SEC23A: variants seen among roughly 807,000 people sequenced by gnomAD.
SEC23A encodes the protein protein transport protein Sec23A.
A neutral mutation model predicts 103.7 loss-of-function variants in SEC23A; 56 were observed. The observed-to-expected ratio is 0.54, with a 90% CI of 0.44 to 0.67. The LOEUF (loss-of-function observed/expected upper bound fraction) is 0.67. SEC23A is among the 30% of genes least tolerant of loss of function. The pLI, the probability that SEC23A is intolerant of heterozygous loss-of-function variation, is 0.00. For synonymous variants in SEC23A, 281 were observed against 293.0 expected, an observed-to-expected ratio of 0.96 and a Z score of 0.42; for missense variants, 784 against 936.4, an observed-to-expected ratio of 0.84 and a Z score of 2.12.
At chr14:39,059,296 A>AAAAAAC (rs1886379795) in intron 13 of SEC23A, among the ~76,000 whole-genome samples, 1 of 116,174 alleles carries the variant, frequency 8.6e-6, no homozygotes, top group African/African-American at 3.3e-5. Context: ...AAAAAAAAAA[A>AAAAAAC]AAAAAAAAAA....
intron 13 of SEC23A, among the ~76,000 whole-genome samples, chr14:39,061,460 G>A (rs1228874042): frequency 6.6e-6 from 1 of 151,518 alleles, no homozygotes; most frequent in Non-Finnish European, 1.5e-5. Flanking sequence ...ATATATAATG[G>A]ATTATATATA....
chr14:39,073,606 T>TA (rs1886913112), intron 9 of SEC23A, among the ~76,000 whole-genome samples: 1 of 136,280 alleles, frequency 7.3e-6, no homozygotes, highest in Non-Finnish European at 1.6e-5. Flanking sequence ...GATTCCTCTT[T>TA]TTTTTTTTTT....
At position 39,091,567 on chromosome 14, in the gene SEC23A, T is replaced by C; in HGVS notation, c.513A>G (p.Arg171=). The C allele has an allele frequency of 6.2e-7, 1 of 1,613,988 alleles. No homozygotes were observed. Residue 171 remains arginine (R), a synonymous_variant, in exon 5 of 20, where the codon AGA becomes AGG. Transcript: ENST00000307712. Reference sequence around the variant, plus strand: ...ATCCAAGTTCATGAACCTGAACCATTCTCCCAAAAGTAATAAGTCCAACCA... The same window carrying C: ...ATCCAAGTTCATGAACCTGAACCATCCTCCCAAAAGTAATAAGTCCAACCA... ...TALVGLITFG[R]MVQVHELGCE... is the part of the protein sequence containing the mutation.
At chr14:39,065,217 C>A (rs557911696) in intron 10 of SEC23A, among the ~76,000 whole-genome samples, 2 of 152,126 alleles carry the variant, frequency 1.3e-5, no homozygotes, top group African/African-American at 2.4e-5. Flanking sequence ...TTAGCACATA[C>A]GAGGTCTCCA....
rs920511427 is a variant in SEC23A, at chr14:39,040,885, G to C, written c.1989C>G (p.Thr663=). The C allele has an allele frequency of 1.9e-6, 3 of 1,612,288 alleles. No homozygotes were observed. The highest frequency in any genetic ancestry group is 3.3e-5 in the Admixed American group (2 of 59,824). ...ATCCTGACTTCCGCCACTGTGCTAT[G>C]GTCTAATTTTAAAACAATTAAAGAA... ...FFQILIYHGE[T]IAQWRKSGYQ... The change falls in exon 18 of 20, where the codon ACC becomes ACG. Residue 663 remains threonine, a splice_region_variant and synonymous_variant. Transcript: ENST00000307712.
At chr14:39,099,314 A>G (rs2139305215) in intron 1 of SEC23A, among the ~76,000 whole-genome samples, 1 of 152,080 alleles carries the variant, frequency 6.6e-6, no homozygotes, top group East Asian at 1.9e-4. Context: ...GCGTGCCACC[A>G]TACCCAGCTA....
At chr14:39,043,624 G>A (rs1885725925) in intron 16 of SEC23A, among the ~76,000 whole-genome samples, 1 of 152,178 alleles carries the variant, frequency 6.6e-6, no homozygotes, top group African/African-American at 2.4e-5. Flanking sequence ...TGAGAGGGAA[G>A]ACAGGGAAAG....
chr14:39,041,212 A>T (rs1008528453), intron 17 of SEC23A: 6 of 206,408 alleles, frequency 2.9e-5, no homozygotes, highest in Non-Finnish European at 5.9e-5. Context: ...GAATCAATCC[A>T]TAGGTAAGTA....
At chr14:39,095,769 GTT>G (rs1333781388) in intron 2 of SEC23A, 127 bp downstream of exon 2, 2 of 735,480 alleles carry the variant, frequency 2.7e-6, no homozygotes, top group African/African-American at 1.8e-5. Flanking sequence ...TCTCTGGATT[GTT>G]TTGACTGTCC....
At chr14:39,040,608 C>A in intron 18 of SEC23A, 124 bp downstream of exon 18, 1 of 1,230,658 alleles carries the variant, frequency 8.1e-7, no homozygotes, top group East Asian at 2.3e-5. Context: ...GATACCTTCC[C>A]CACCTATCTC....
At chr14:39,101,332 T>C (rs1294004297) in intron 1 of SEC23A, among the ~76,000 whole-genome samples, 4 of 151,994 alleles carry the variant, frequency 2.6e-5, no homozygotes, top group African/African-American at 4.8e-5. Context: ...AAAGTAAGAC[T>C]TCCCTGGCCG....
intron 7 of SEC23A, among the ~76,000 whole-genome samples, chr14:39,085,425 T>C (rs55902358): frequency 0.28 from 41,917 of 152,080 alleles, 6,729 homozygotes; most frequent in Non-Finnish European, 0.35. Flanking sequence ...ATCAGAGAAG[T>C]ATAGGTGACA....
chr14:39,076,173 T>C (rs994466743), intron 7 of SEC23A, 80 bp from the exon 8 acceptor site: 8 of 1,036,246 alleles, frequency 7.7e-6, no homozygotes, highest in African/African-American at 4.8e-5. Context: ...ATATTCCTTC[T>C]AAATAAGAGA....
At chr14:39,069,021 T>C (rs1566497572) in intron 9 of SEC23A, among the ~76,000 whole-genome samples, 1 of 152,204 alleles carries the variant, frequency 6.6e-6, no homozygotes, top group Non-Finnish European at 1.5e-5. Context: ...TCAGATTTTC[T>C]ACAAACATGT....
chr14:39,085,226 G>A (rs1887391057), intron 7 of SEC23A, among the ~76,000 whole-genome samples: 1 of 152,174 alleles, frequency 6.6e-6, no homozygotes, highest in South Asian at 2.1e-4. Flanking sequence ...TGGTGCCCCA[G>A]AGAAGCCACA....
rs750356651 is a variant in SEC23A at position 39,061,883 on chromosome 14, T to C, written c.1399-12A>G. 3.1e-6 allele frequency: 5 copies of C among 1,587,478 alleles called. No individual in the cohort carries two copies. Among genetic ancestry groups the C allele is most frequent in the South Asian group, 1.1e-5 (1 of 90,576 alleles). ...ATTGGAGCATTATGCTGTATAAATA[T>C]AATGGAGTAAAACCTAAGCAAAATT... On this transcript the variant is annotated splice_polypyrimidine_tract_variant and intron_variant, in intron 12 of 19. Coordinates refer to ENST00000307712, the MANE Select transcript of SEC23A (RefSeq NM_006364.4).
intron 13 of SEC23A, among the ~76,000 whole-genome samples, chr14:39,056,813 T>C (rs542918945): frequency 1.3e-5 from 2 of 152,178 alleles, no homozygotes; most frequent in South Asian, 4.1e-4. Context: ...TAGCATTCAC[T>C]GTTTTTCAGA....
intron 14 of SEC23A, among the ~76,000 whole-genome samples, chr14:39,051,689 C>T (rs927956646): frequency 2.0e-5 from 3 of 152,028 alleles, no homozygotes; most frequent in African/African-American, 4.8e-5. Context: ...ACTAGCCGGG[C>T]GTGGTGGTTC....
intron 19 of SEC23A, among the ~76,000 whole-genome samples, chr14:39,037,216 C>T (rs1045443198): frequency 1.3e-5 from 2 of 152,124 alleles, no homozygotes; most frequent in African/African-American, 4.8e-5. Flanking sequence ...AAATTGCCAA[C>T]AGCCCACTCA....
Sources: gnomAD v4.1 joint callset for allele counts (sites outside exome capture counted in the v4.1 genomes callset) on GRCh38, gnomAD v4.1.1 for gene constraint, MANE v1.5 for transcripts, NCBI Gene and HGNC (gene_info 2026-07-23, HGNC 2026-07-21) for gene names.